SV2B: variants seen among roughly 807,000 people sequenced by gnomAD.
The protein encoded by SV2B is synaptic vesicle glycoprotein 2B.
In SV2B, 41 loss-of-function variants were observed where a neutral mutation model predicts 73.9. That is an observed-to-expected ratio of 0.56 (90% CI 0.43 to 0.72). The LOEUF (loss-of-function observed/expected upper bound fraction) is 0.72, where lower values mean the gene tolerates loss of function less well. SV2B is among the 30% of genes least tolerant of loss of function. SV2B has a pLI of 0.00. For synonymous variants in SV2B, 314 were observed against 314.2 expected, an observed-to-expected ratio of 1.00 and a Z score of 0.01; for missense variants, 764 against 857.8, an observed-to-expected ratio of 0.89 and a Z score of 1.37.
In SV2B at chr15:91,198,455, ATGTGTGTGTGTGTGTG is replaced by A. The variant is rs5814467; in HGVS notation, c.-391-27390_-391-27375del. Among the ~76,000 whole-genome samples, 146 of 136,846 alleles carry A rather than the reference ATGTGTGTGTGTGTGTG, an allele frequency of 1.1e-3. 1 individual carries two copies. Among genetic ancestry groups the A allele is most frequent in the Non-Finnish European group, 2.0e-3 (123 of 62,924 alleles). The allele number at this position is 136,846 out of a possible 152,430, so 89.8% of individuals were successfully genotyped here. On this transcript the variant is annotated intron_variant, in intron 1 of 12. Transcript: ENST00000394232. ...TGGTTTTCAGCCAAGAAGCACGTGT[ATGTGTGTGTGTGTGTG>A]TGTGTGTGTGTGTGTGTGTGTGTGT...
At chr15:91,133,063 T>C (rs1003414651) in intron 1 of SV2B, among the ~76,000 whole-genome samples, 11 of 152,318 alleles carry the variant, frequency 7.2e-5, no homozygotes, top group Middle Eastern at 6.8e-3. Flanking sequence ...CACATCATTA[T>C]TCACATTTTG....
rs1459762091 is a variant in SV2B, at chr15:91,267,633, A to G, written c.1198A>G (p.Met400Val). The change falls in exon 8 of 13, where the codon ATG becomes GTG. Residue 400 changes from methionine (M) to valine (V), a missense_variant. Physicochemically the swap from Met to Val is conservative, Grantham distance 21. Coordinates refer to ENST00000394232, the MANE Select transcript of SV2B (RefSeq NM_001323032.3). The surrounding 1 kb of genome is among the most constrained non-coding windows in gnomAD (Gnocchi z 4.3). ...GATTCTGGCCGTGGTTTGGTTTGCC[A>G]TGGCATTCAGGTAAGTTCTGTCTTA... ...TLILAVVWFA[M>V]AFSYYGLTVW... is the part of the protein sequence containing the mutation. 12 of 1,612,100 alleles carry G rather than the reference A, an allele frequency of 7.4e-6. No homozygotes were observed. The highest frequency in any genetic ancestry group is 1.1e-5 in the South Asian group (1 of 90,434).
chr15:91,236,626 G>A lies in SV2B; in HGVS notation c.451+9912G>A, dbSNP rs2046793223. Among the ~76,000 whole-genome samples the A allele has an allele frequency of 6.6e-6, 1 of 152,168 alleles. No individual in the cohort carries two copies. The highest frequency in any genetic ancestry group is 6.5e-5 in the Admixed American group (1 of 15,272). On this transcript the variant is annotated intron_variant, in intron 2 of 12. Coordinates refer to ENST00000394232, the MANE Select transcript of SV2B (RefSeq NM_001323032.3). The surrounding 1 kb of genome is among the most constrained non-coding windows in gnomAD (Gnocchi z 4.1). ...ATGGATCTTTTATAGAATCATAAAGGACTTTATTCTGGTTATCTATTATTA... is the reference window on the plus strand; with the variant it reads ...ATGGATCTTTTATAGAATCATAAAGAACTTTATTCTGGTTATCTATTATTA...
At chr15:91,178,032 T>C (rs1478731955) in intron 1 of SV2B, among the ~76,000 whole-genome samples, 24 of 151,762 alleles carry the variant, frequency 1.6e-4, no homozygotes, top group Admixed American at 1.4e-3. Flanking sequence ...TGTGGGTTTG[T>C]CATAGATAGC....
At chr15:91,182,359 G>C (rs1178567979) in intron 1 of SV2B, among the ~76,000 whole-genome samples, 1 of 152,208 alleles carries the variant, frequency 6.6e-6, no homozygotes, top group Non-Finnish European at 1.5e-5. Context: ...CACATAGCAA[G>C]TTCTCGATTA....
intron 2 of SV2B, among the ~76,000 whole-genome samples, chr15:91,233,696 C>CG (rs2046670761): frequency 6.6e-6 from 1 of 151,954 alleles, no homozygotes; most frequent in South Asian, 2.1e-4. Context: ...TCTCTGCCCC[C>CG]ATTCAGAGGA....
intron 9 of SV2B, among the ~76,000 whole-genome samples, chr15:91,274,253 C>G (rs2048410179): frequency 6.6e-6 from 1 of 152,142 alleles, no homozygotes; most frequent in African/African-American, 2.4e-5. Context: ...ACATTGTTCT[C>G]CAAAGGGATT....
chr15:91,113,084 G>C (rs1044246842), intron 1 of SV2B, among the ~76,000 whole-genome samples: 2 of 152,192 alleles, frequency 1.3e-5, no homozygotes, highest in African/African-American at 4.8e-5. Flanking sequence ...CTCTCACCTT[G>C]GCCTCTCCTA....
intron 1 of SV2B, among the ~76,000 whole-genome samples, chr15:91,176,619 A>G (rs947123525): frequency 2.0e-5 from 3 of 151,702 alleles, no homozygotes; most frequent in African/African-American, 7.3e-5. Context: ...TGTGGTTTTG[A>G]TTTGCATTTC....
rs1396967050 is a variant in SV2B at position 91,267,747 on chromosome 15, G to A, written c.1208+104G>A. Reference sequence around the variant, plus strand: ...TCTGACTTAGAATTTGTATCAGGTAGGATGCTTTGGTGGCAAGTAGCAGAA... The same window carrying A: ...TCTGACTTAGAATTTGTATCAGGTAAGATGCTTTGGTGGCAAGTAGCAGAA... On this transcript the variant is annotated intron_variant, in intron 8 of 12. Coordinates refer to ENST00000394232, the MANE Select transcript of SV2B (RefSeq NM_001323032.3). This position sits in a 1 kb window ranked among gnomAD's most constrained non-coding sequence, Gnocchi z 4.3. The A allele has an allele frequency of 1.0e-6, 1 of 972,056 alleles. No individual in the cohort carries two copies. The highest frequency in any genetic ancestry group is 1.6e-5 in the African/African-American group (1 of 61,316). The allele number at this position is 972,056 out of a possible 1,614,324, so 60.2% of individuals were successfully genotyped here. A position where few individuals can be genotyped will look rare whatever the true frequency, so the allele number is the denominator to read the frequency against.
Position 91,294,999 on chromosome 15 carries a change from C to A in SV2B, c.*2447C>A, listed in dbSNP as rs115179669. On this transcript the variant is annotated 3_prime_UTR_variant, in exon 13 of 13. Transcript: ENST00000394232. This position sits in a 1 kb window ranked among gnomAD's most constrained non-coding sequence, Gnocchi z 4.1. ...GTCACTCCTGCTGAGATAAATGCGT[C>A]TTTAAAAATAGTCTCTGTGGCAGGT... 776 of 152,746 alleles carry A rather than the reference C, an allele frequency of 5.1e-3. 7 individuals are homozygous for A. The highest frequency in any genetic ancestry group is 0.018 in the African/African-American group (738 of 41,554). The allele number at this position is 152,746 out of a possible 1,614,324, so 9.5% of individuals were successfully genotyped here.
intron 1 of SV2B, among the ~76,000 whole-genome samples, chr15:91,160,656 C>G (rs186367270): frequency 6.6e-6 from 1 of 152,180 alleles, no homozygotes; most frequent in Non-Finnish European, 1.5e-5. Flanking sequence ...CATAAAACCA[C>G]TATGATGAAA....
chr15:91,102,070 C>G (rs2041743493), intron 1 of SV2B: 1 of 152,130 alleles, frequency 6.6e-6, no homozygotes, highest in African/African-American at 2.4e-5. Context: ...CTTGATTTTC[C>G]CTAAATGGGT....
At chr15:91,194,090 T>C (rs545860409) in intron 1 of SV2B, among the ~76,000 whole-genome samples, 6 of 151,912 alleles carry the variant, frequency 3.9e-5, no homozygotes, top group Non-Finnish European at 8.8e-5. Context: ...GAATTGAATT[T>C]ATGCAGCATC....
chr15:91,158,617 C>G (rs1221478682), intron 1 of SV2B, among the ~76,000 whole-genome samples: 1 of 141,408 alleles, frequency 7.1e-6, no homozygotes, highest in African/African-American at 2.6e-5. Context: ...AAAGGGTGGC[C>G]TTTTCTTTTA....
At chr15:91,194,981 A>C (rs1450156104) in intron 1 of SV2B, among the ~76,000 whole-genome samples, 2 of 137,628 alleles carry the variant, frequency 1.5e-5, no homozygotes, top group Non-Finnish European at 2.9e-5. Flanking sequence ...ATCAGAATGA[A>C]GATGAAGGCA....
Position 91,258,573 on chromosome 15 carries a change from AC to A in SV2B, c.918+21del. On this transcript the variant is annotated intron_variant, in intron 5 of 12. Coordinates refer to ENST00000394232, the MANE Select transcript of SV2B (RefSeq NM_001323032.3). This position sits in a 1 kb window ranked among gnomAD's most constrained non-coding sequence, Gnocchi z 4.7. Reference sequence around the variant, plus strand: ...GCTAGAGGTGAGTCAGTGCTTTTCCACCAGGGGGAGAGTGACAAAACAGCCA... The same window carrying A: ...GCTAGAGGTGAGTCAGTGCTTTTCCACAGGGGGAGAGTGACAAAACAGCCA... 3.7e-6 allele frequency: 6 copies of A among 1,612,852 alleles called. No homozygotes were observed. The highest frequency in any genetic ancestry group is 5.1e-6 in the Non-Finnish European group (6 of 1,179,492).
chr15:91,279,494 T>C (rs920221779), intron 9 of SV2B, among the ~76,000 whole-genome samples: 8 of 152,258 alleles, frequency 5.3e-5, no homozygotes, highest in Admixed American at 1.3e-4. Flanking sequence ...GAATCTTGGG[T>C]AGGCCAATTC....
At position 91,226,316 on chromosome 15, in the gene SV2B, G is replaced by T. The variant is rs1331902247; in HGVS notation, c.53G>T (p.Gly18Val). Residue 18 changes from glycine (G) to valine (V), a missense_variant, in exon 2 of 13, where the codon GGC becomes GTC. By Grantham distance (109) the Gly-to-Val change is moderately radical (BLOSUM62 -3). Transcript: ENST00000394232. ...TATGGGGGCTATGCTCCCAGTGATG[G>T]CTATTACCGCGGCAATGAGTCCAAC... Reference protein sequence around the residue: ...DNYGGYAPSDGYYRGNESNPE... With the variant: ...DNYGGYAPSDVYYRGNESNPE... 1.2e-6 allele frequency: 2 copies of T among 1,614,136 alleles called. No homozygotes were observed. Among genetic ancestry groups the T allele is most frequent in the Non-Finnish European group, 8.5e-7 (1 of 1,180,030 alleles).
Sources: gnomAD v4.1 joint callset for allele counts (sites outside exome capture counted in the v4.1 genomes callset) on GRCh38, gnomAD v4.1.1 for gene constraint, Gnocchi (gnomAD v3.1) non-coding constraint, MANE v1.5 for transcripts, NCBI Gene and HGNC (gene_info 2026-07-23, HGNC 2026-07-21) for gene names.